Variants in SH3D19 observed in about 807,000 individuals in gnomAD.
SH3D19 encodes the protein SH3 domain containing 19, also known as SH3 domain-containing protein 19.
Under a neutral mutation model 112.1 loss-of-function variants are expected in SH3D19, and 58 were observed. The observed-to-expected ratio is 0.52, with a 90% CI of 0.42 to 0.64. SH3D19 has a LOEUF of 0.64. Ranked by LOEUF, SH3D19 falls within the 30% of genes least tolerant of loss-of-function variation. The pLI is 0.00. For synonymous variants in SH3D19, 391 were observed against 448.5 expected (o/e 0.87, Z 1.62); for missense variants, 1,090 against 1,263.4 (o/e 0.86, Z 2.08).
intron 1 of SH3D19, among the ~76,000 whole-genome samples, chr4:151,308,593 C>T (rs1729143474): frequency 6.6e-6 from 1 of 152,184 alleles, no homozygotes; most frequent in African/African-American, 2.4e-5. Flanking sequence ...AACCCTGCTG[C>T]AAAAGGCCAT....
intron 2 of SH3D19, among the ~76,000 whole-genome samples, chr4:151,215,800 G>A (rs1017157678): frequency 1.3e-5 from 2 of 151,908 alleles, no homozygotes; most frequent in Non-Finnish European, 2.9e-5. Flanking sequence ...TTGGGACCAG[G>A]CCTGATTTCT....
At chr4:151,156,455 G>A (rs958227174) in intron 9 of SH3D19, among the ~76,000 whole-genome samples, 2 of 152,146 alleles carry the variant, frequency 1.3e-5, no homozygotes, top group Non-Finnish European at 2.9e-5. Context: ...AAAACAGCAT[G>A]GACCTAGCAT....
At chr4:151,295,760 G>A (rs772265586) in intron 1 of SH3D19, among the ~76,000 whole-genome samples, 9 of 152,168 alleles carry the variant, frequency 5.9e-5, no homozygotes, top group Non-Finnish European at 1.0e-4. Context: ...TTTTTAGGCC[G>A]GGTGCAGTGG....
intron 12 of SH3D19, among the ~76,000 whole-genome samples, chr4:151,142,887 A>T (rs1306832617): frequency 6.6e-6 from 1 of 152,202 alleles, no homozygotes; most frequent in Non-Finnish European, 1.5e-5. Context: ...CTGCAAGTCT[A>T]TAGTAAAAGA....
At chr4:151,288,074 G>A (rs899992696) in intron 1 of SH3D19, among the ~76,000 whole-genome samples, 7 of 151,308 alleles carry the variant, frequency 4.6e-5, no homozygotes, top group Non-Finnish European at 1.0e-4. Flanking sequence ...ATCCAACAAC[G>A]CTTCACGTTA....
At chr4:151,168,399 CT>C (rs35899876) in intron 7 of SH3D19, among the ~76,000 whole-genome samples, 23 of 45,394 alleles carry the variant, frequency 5.1e-4, no homozygotes, top group Admixed American at 8.5e-4. Context: ...AGTAGCATTT[CT>C]TTTTTTTTTT....
At chr4:151,257,823 C>T (rs944322863) in intron 1 of SH3D19, among the ~76,000 whole-genome samples, 3 of 152,068 alleles carry the variant, frequency 2.0e-5, no homozygotes, top group African/African-American at 4.8e-5. Context: ...GAGGGAGGAT[C>T]GCTTGAGCCT....
chr4:151,293,430 G>A (rs900617971), intron 1 of SH3D19, among the ~76,000 whole-genome samples: 2 of 143,268 alleles, frequency 1.4e-5, no homozygotes, highest in South Asian at 2.2e-4. Flanking sequence ...CCGAGATTGC[G>A]CCACTGCACT....
intron 1 of SH3D19, among the ~76,000 whole-genome samples, chr4:151,254,133 A>G (rs1055916362): frequency 2.5e-4 from 38 of 152,234 alleles, no homozygotes; most frequent in Admixed American, 2.2e-3. Flanking sequence ...CCTCTGTGTG[A>G]ATGAAAATGT....
chr4:151,193,445 A>G (rs766027339), intron 2 of SH3D19, among the ~76,000 whole-genome samples: 2 of 152,174 alleles, frequency 1.3e-5, no homozygotes, highest in Non-Finnish European at 1.5e-5. Flanking sequence ...ATCAATTAAC[A>G]GAATTTTGGA....
At chr4:151,205,261 A>G (rs1031835554) in intron 2 of SH3D19, among the ~76,000 whole-genome samples, 6 of 152,212 alleles carry the variant, frequency 3.9e-5, no homozygotes, top group Non-Finnish European at 8.8e-5. Flanking sequence ...TTTTTGTGCA[A>G]GCTCTCATTC....
At chr4:151,278,640 T>G (rs1580385585) in intron 1 of SH3D19, among the ~76,000 whole-genome samples, 1 of 152,106 alleles carries the variant, frequency 6.6e-6, no homozygotes, top group East Asian at 1.9e-4. Context: ...ATTTTTTTCC[T>G]TTTCTTTTCA....
At chr4:151,226,652 G>A (rs951995720) in intron 1 of SH3D19, 53 of 190,804 alleles carry the variant, frequency 2.8e-4, no homozygotes, top group African/African-American at 9.5e-4. Flanking sequence ...ATTTTTGATC[G>A]TCACAACTGG....
chr4:151,150,209 AT>A (rs1561234964), intron 9 of SH3D19, among the ~76,000 whole-genome samples: 991 of 40,866 alleles, frequency 0.024, 102 homozygotes, highest in African/African-American at 0.053. Flanking sequence ...AAAAAAAAAT[AT>A]ATATATATAT....
At chr4:151,257,438 T>C (rs1330591287) in intron 1 of SH3D19, among the ~76,000 whole-genome samples, 3 of 152,130 alleles carry the variant, frequency 2.0e-5, no homozygotes, top group Non-Finnish European at 4.4e-5. Flanking sequence ...TTTTTGGAAG[T>C]ATAATCTTCC....
chr4:151,165,967 G>A (rs1195297973), intron 7 of SH3D19: 1 of 318,016 alleles, frequency 3.1e-6, no homozygotes, highest in African/African-American at 2.2e-5. Context: ...TCTTTCAGGG[G>A]AGTGTAATCA....
intron 2 of SH3D19, among the ~76,000 whole-genome samples, chr4:151,189,500 C>T (rs765625008): frequency 2.6e-5 from 4 of 152,090 alleles, no homozygotes; most frequent in East Asian, 1.9e-4. Context: ...CCCACAATTC[C>T]GTGTCGTGGG....
intron 2 of SH3D19, among the ~76,000 whole-genome samples, chr4:151,214,616 C>A (rs1766664271): frequency 1.1e-5 from 1 of 87,278 alleles, no homozygotes; most frequent in Non-Finnish European, 2.7e-5. Flanking sequence ...CCGGACGGGG[C>A]GGCTGGCCGG....
At chr4:151,179,294 TA>T in intron 4 of SH3D19, 60 bp downstream of exon 4, 1 of 960,366 alleles carries the variant, frequency 1.0e-6, no homozygotes, top group Non-Finnish European at 1.4e-6. Context: ...TGCTACCTGA[TA>T]ACACACTTTT....
Sources: allele counts gnomAD v4.1 joint callset (sites outside exome capture counted in the v4.1 genomes callset), GRCh38; gene constraint gnomAD v4.1.1; transcripts MANE v1.5; gene names NCBI Gene and HGNC (gene_info 2026-07-23, HGNC 2026-07-21).